CEP85L: variants seen among roughly 807,000 people sequenced by gnomAD.
CEP85L encodes centrosomal protein of 85 kDa-like.
A neutral mutation model predicts 100.3 loss-of-function variants in CEP85L; 60 were observed. That is an observed-to-expected ratio of 0.60 (90% CI 0.49 to 0.74). CEP85L has a LOEUF of 0.74. CEP85L is among the 30% of genes least tolerant of loss of function. The pLI is 0.00. For synonymous variants in CEP85L, 319 were observed against 322.7 expected, an observed-to-expected ratio of 0.99 and a Z score of 0.12; for missense variants, 973 against 936.2, an observed-to-expected ratio of 1.04 and a Z score of -0.51.
intron 10 of CEP85L, among the ~76,000 whole-genome samples, chr6:118,475,480 AGT>A (rs1398457600): frequency 6.6e-6 from 1 of 150,442 alleles, no homozygotes; most frequent in African/African-American, 2.5e-5. Context: ...CAGCCTCCTG[AGT>A]AGCTGGGACT....
intron 1 of CEP85L, among the ~76,000 whole-genome samples, chr6:118,697,597 T>C (rs1198145595): frequency 6.6e-6 from 1 of 152,204 alleles, no homozygotes; most frequent in African/African-American, 2.4e-5. Context: ...ATATGTAAAC[T>C]ATGCTAGTTT....
intron 1 of CEP85L, among the ~76,000 whole-genome samples, chr6:118,699,714 CAG>C (rs1777348796): frequency 6.6e-6 from 1 of 151,970 alleles, no homozygotes; most frequent in Non-Finnish European, 1.5e-5. Flanking sequence ...ATTTTTGAGA[CAG>C]AGTCTCACTC....
At chr6:118,487,376 G>C (rs190345418) in intron 6 of CEP85L, among the ~76,000 whole-genome samples, 2 of 152,156 alleles carry the variant, frequency 1.3e-5, no homozygotes, top group African/African-American at 2.4e-5. Flanking sequence ...GACCTGGAGA[G>C]TAGTGTCAGC....
chr6:118,509,766 A>G (rs78818905), intron 5 of CEP85L, among the ~76,000 whole-genome samples: 9 of 152,218 alleles, frequency 5.9e-5, no homozygotes, highest in Middle Eastern at 3.4e-3. Flanking sequence ...TTAGATCCCA[A>G]TAAGTACGCC....
At chr6:118,578,159 G>A (rs516463) in intron 2 of CEP85L, among the ~76,000 whole-genome samples, 32,783 of 151,980 alleles carry the variant, frequency 0.22, 4,652 homozygotes, top group East Asian at 0.61. Context: ...GATCTGTAAC[G>A]AGCACTTGTT....
intron 1 of CEP85L, among the ~76,000 whole-genome samples, chr6:118,692,749 G>T (rs1262363941): frequency 1.3e-4 from 8 of 62,608 alleles, no homozygotes; most frequent in Non-Finnish European, 1.6e-4. Flanking sequence ...CTAGTTAAGG[G>T]CAGAAGAAAC....
Position 118,519,710 on chromosome 6 carries a change from A to C in CEP85L, c.1139+4092T>G, listed in dbSNP as rs181637117. ...GGGTTTTTCGTTGACCTTTCAATAC[A>C]GAAAGATCAGGAGGGTCAGGAGTCT... On this transcript the variant is annotated intron_variant, in intron 4 of 12. Transcript: ENST00000368491. 2.6e-5 allele frequency among the ~76,000 whole-genome samples: 4 copies of C among 152,140 alleles called. No individual in the cohort carries two copies. In the East Asian group the frequency reaches 7.7e-4, roughly 29 times the overall value.
chr6:118,605,625 T>G (rs1459982715), intron 2 of CEP85L, among the ~76,000 whole-genome samples: 1 of 152,192 alleles, frequency 6.6e-6, no homozygotes, highest in African/African-American at 2.4e-5. Flanking sequence ...AAGAGGGTTT[T>G]TTCCCTAAAC....
chr6:118,498,466 C>T (rs1020308324), intron 5 of CEP85L, among the ~76,000 whole-genome samples: 4 of 151,950 alleles, frequency 2.6e-5, no homozygotes, highest in African/African-American at 4.8e-5. Context: ...AATCTACTAT[C>T]GCAGTTGGAG....
rs1775378131 is a variant in CEP85L, at chr6:118,502,590, G to A, written c.1257+8708C>T. On this transcript the variant is annotated intron_variant, in intron 5 of 12. Coordinates refer to ENST00000368491, the MANE Select transcript of CEP85L (RefSeq NM_001042475.3). ...AACAAACTTTGGCGCTCCGGTTGAAGTTTTTGACTCTTGAAGAAGCTGAAG... is the reference window on the plus strand; with the variant it reads ...AACAAACTTTGGCGCTCCGGTTGAAATTTTTGACTCTTGAAGAAGCTGAAG... 6 of 479,552 alleles carry A rather than the reference G, an allele frequency of 1.3e-5. 1 individual carries two copies. The highest frequency in any genetic ancestry group is 1.2e-4 in the South Asian group (6 of 49,750). 29.7% of individuals were successfully genotyped at this position (479,552 alleles called of 1,614,324 possible).
chr6:118,586,555 C>T (rs999074093), intron 2 of CEP85L, among the ~76,000 whole-genome samples: 11 of 152,080 alleles, frequency 7.2e-5, no homozygotes, highest in East Asian at 1.9e-4. Context: ...GTACAGGAAT[C>T]GACCGACTCC....
chr6:118,488,820 T>C (rs1284523268), intron 6 of CEP85L, among the ~76,000 whole-genome samples: 1 of 152,148 alleles, frequency 6.6e-6, no homozygotes, highest in Non-Finnish European at 1.5e-5. Flanking sequence ...AAAAATGACC[T>C]GTCACATGCA....
rs552662452 is a variant in CEP85L, at chr6:118,506,397, G to A, written c.1257+4901C>T. 2.3e-3 allele frequency among the ~76,000 whole-genome samples: 355 copies of A among 152,266 alleles called. 1 individual carries two copies. The highest frequency in any genetic ancestry group is 3.7e-3 in the Non-Finnish European group (251 of 68,014). ...CTTGCCGTGCAGGTGGAGTAGGAGG[G>A]AGCATAACCTGGCGTGAACTGAAAG... On this transcript the variant is annotated intron_variant, in intron 5 of 12. Transcript: ENST00000368491.
chr6:118,677,945 C>T (rs561387834), intron 1 of CEP85L, among the ~76,000 whole-genome samples: 1 of 152,314 alleles, frequency 6.6e-6, no homozygotes, highest in African/African-American at 2.4e-5. Context: ...ATCTTGTCTT[C>T]AATTTTGCAC....
Position 118,469,142 on chromosome 6 carries a change from T to C in CEP85L, c.2184A>G (p.Ala728=), listed in dbSNP as rs760696954. The C allele has an allele frequency of 5.6e-6, 9 of 1,614,038 alleles. No homozygotes were observed. The highest frequency in any genetic ancestry group is 3.4e-6 in the Non-Finnish European group (4 of 1,179,942). ...CACGCTGATTAAGAATACTACACAA[T>C]GCTTTCAAGTCAAACAAACAACAGG... ...EMSCCLFDLK[A]LCSILNQRAQ... The change falls in exon 12 of 13, where the codon GCA becomes GCG. Residue 728 remains alanine (A), a synonymous_variant. Transcript: ENST00000368491.
At chr6:118,636,078 A>G (rs59858756) in intron 1 of CEP85L, among the ~76,000 whole-genome samples, 55 of 152,294 alleles carry the variant, frequency 3.6e-4, no homozygotes, top group African/African-American at 1.3e-3. Context: ...CTGTAGTCTA[A>G]ATCAGCTGTA....
intron 2 of CEP85L, among the ~76,000 whole-genome samples, chr6:118,599,507 T>TA (rs1781615427): frequency 6.6e-6 from 1 of 152,196 alleles, no homozygotes; most frequent in Non-Finnish European, 1.5e-5. Flanking sequence ...CCAAATCATA[T>TA]ATATAAGTAT....
chr6:118,706,201 A>G (rs1196398108), intron 1 of CEP85L, among the ~76,000 whole-genome samples: 1 of 152,250 alleles, frequency 6.6e-6, no homozygotes, highest in Non-Finnish European at 1.5e-5. Context: ...GATTATTTTT[A>G]GTTTCATTTT....
intron 3 of CEP85L, among the ~76,000 whole-genome samples, chr6:118,558,074 C>A (rs1778983681): frequency 6.6e-6 from 1 of 151,978 alleles, no homozygotes; most frequent in Non-Finnish European, 1.5e-5. Flanking sequence ...CAGCGATCCT[C>A]CCAAGTAGCT....
Sources: gnomAD v4.1 joint callset for allele counts (sites outside exome capture counted in the v4.1 genomes callset) on GRCh38, gnomAD v4.1.1 for gene constraint, MANE v1.5 for transcripts, NCBI Gene and HGNC (gene_info 2026-07-23, HGNC 2026-07-21) for gene names.